FAIM: variants seen among roughly 807,000 people sequenced by gnomAD.
FAIM encodes Fas apoptotic inhibitory molecule.
In FAIM, 14 loss-of-function variants were observed where a neutral mutation model predicts 21.2. The observed-to-expected ratio is 0.66, with a 90% confidence interval of 0.44 to 1.03. The LOEUF is 1.03. FAIM is among the 50% of genes least tolerant of loss of function. FAIM has a pLI of 0.00. For missense variants in FAIM, 222 were observed against 247.1 expected (o/e 0.90, Z 0.68); for synonymous variants, 86 against 80.4 (o/e 1.07, Z -0.37).
chr3:138,621,573 A>G (rs778516951), intron 3 of FAIM, 34 bp downstream of exon 3: 2 of 1,575,852 alleles, frequency 1.3e-6, no homozygotes, highest in South Asian at 1.2e-5. Flanking sequence ...GTAAAATATG[A>G]TATATAGAGA....
At chr3:138,623,257 T>G (rs768032232) in intron 4 of FAIM, among the ~76,000 whole-genome samples, 2 of 152,174 alleles carry the variant, frequency 1.3e-5, no homozygotes, top group Non-Finnish European at 2.9e-5. Flanking sequence ...CTTTTCTGTT[T>G]GGGTTTCTCT....
intron 4 of FAIM, 45 bp downstream of exon 4, chr3:138,622,461 A>C: frequency 8.2e-7 from 1 of 1,216,646 alleles, no homozygotes. Context: ...TTTTTTTATA[A>C]TGTCTGTTTA....
rs781362242 is a variant in FAIM at position 138,632,894 on chromosome 3, C to T, written c.457-36C>T. The T allele has an allele frequency of 1.6e-5, 25 of 1,601,960 alleles. No homozygotes were observed. The African/African-American group carries it at 3.0e-4, about 19-fold the overall frequency. ...ATGCTCTAGACAGAGATAAAAGTTTCTGCACCACTAATTCCTTCTTCTTTT... is the reference window on the plus strand; with the variant it reads ...ATGCTCTAGACAGAGATAAAAGTTTTTGCACCACTAATTCCTTCTTCTTTT... On this transcript the variant is annotated intron_variant, in intron 5 of 5. Coordinates refer to ENST00000360570, the MANE Select transcript of FAIM (RefSeq NM_001033031.2).
chr3:138,622,442 C>CTT (rs11303336), intron 4 of FAIM, 26 bp downstream of exon 4: 266 of 1,102,438 alleles, frequency 2.4e-4, no homozygotes, highest in South Asian at 3.3e-4. Flanking sequence ...TTCCGCAGAA[C>CTT]TTTTTTTTTT....
intron 4 of FAIM, among the ~76,000 whole-genome samples, chr3:138,624,189 T>C (rs1000451690): frequency 1.1e-4 from 16 of 152,208 alleles, no homozygotes; most frequent in Non-Finnish European, 1.8e-4. Flanking sequence ...TTAAAAGGAT[T>C]ATGATTAGTG....
At chr3:138,609,513 C>T (rs1370707600) in intron 1 of FAIM, among the ~76,000 whole-genome samples, 1 of 137,502 alleles carries the variant, frequency 7.3e-6, no homozygotes, top group African/African-American at 2.8e-5. Flanking sequence ...TTTGCAGAAC[C>T]TGCATCATAA....
intron 5 of FAIM, 78 bp from the exon 6 acceptor site, chr3:138,632,852 A>C (rs1298151580): frequency 1.4e-6 from 2 of 1,389,016 alleles, no homozygotes; most frequent in Admixed American, 4.7e-5. Context: ...CACTACTAGT[A>C]CTTTTAGATG....
chr3:138,633,054 G>C lies in FAIM; in HGVS notation c.581G>C (p.Arg194Thr), dbSNP rs775950087. 3.1e-6 allele frequency: 5 copies of C among 1,613,068 alleles called. No individual in the cohort carries two copies. In the East Asian group the frequency reaches 8.9e-5, roughly 29 times the overall value. The change falls in exon 6 of 6, where the codon AGA (arginine) becomes ACA (threonine). Residue 194 changes from arginine to threonine, a missense_variant. Transcript: ENST00000360570. The part of the protein sequence containing the change: ...GIIHTLIVDN[R>T]EIPEIAS ...ATTCATACTCTCATTGTGGATAATA[G>C]AGAAATCCCAGAGATTGCAAGTTAA...
chr3:138,616,512 C>G lies in FAIM; in HGVS notation c.-16-3199C>G, dbSNP rs550592459. 2.6e-5 allele frequency among the ~76,000 whole-genome samples: 4 copies of G among 152,190 alleles called. No individual in the cohort carries two copies. In the South Asian group the frequency reaches 6.2e-4, roughly 24 times the overall value. Reference sequence around the variant, plus strand: ...CCTCCCTCCTCCCATGTAGCTGGGACTATAGGCACGTGCCACCACACCCAG... The same window carrying G: ...CCTCCCTCCTCCCATGTAGCTGGGAGTATAGGCACGTGCCACCACACCCAG... On this transcript the variant is annotated intron_variant, in intron 1 of 5. Transcript: ENST00000360570.
chr3:138,617,525 ATCTC>A (rs1416376814), intron 1 of FAIM, among the ~76,000 whole-genome samples: 4 of 146,748 alleles, frequency 2.7e-5, no homozygotes, highest in Non-Finnish European at 3.0e-5. Context: ...ATCTATATAT[ATCTC>A]TCTCTATCTA....
chr3:138,629,416 A>ATAGCAAGTAAAATACC (rs58425947), intron 5 of FAIM: 87,841 of 288,518 alleles, frequency 0.3, 18,128 homozygotes, highest in African/African-American at 0.59. Flanking sequence ...AGGCTCCAGC[A>ATAGCAAGTAAAATACC]TAGCAAGTAA....
intron 4 of FAIM, among the ~76,000 whole-genome samples, chr3:138,626,444 TTC>T (rs1215685282): frequency 6.6e-6 from 1 of 152,234 alleles, no homozygotes; most frequent in Non-Finnish European, 1.5e-5. Context: ...AGTACACATA[TTC>T]TCTCTTACCA....
At chr3:138,609,533 ACT>A (rs1286573079) in intron 1 of FAIM, among the ~76,000 whole-genome samples, 2 of 3,368 alleles carry the variant, frequency 5.9e-4, no homozygotes, top group African/African-American at 9.3e-4. Context: ...AAGTGCTGAA[ACT>A]CTCTCTCTCT....
At chr3:138,631,912 C>A (rs2043009338) in intron 5 of FAIM, among the ~76,000 whole-genome samples, 2 of 152,096 alleles carry the variant, frequency 1.3e-5, no homozygotes, top group African/African-American at 4.8e-5. Context: ...GCTTCTCTCC[C>A]TGAGGCATCC....
At chr3:138,625,523 T>C (rs1485581149) in intron 4 of FAIM, among the ~76,000 whole-genome samples, 1 of 152,132 alleles carries the variant, frequency 6.6e-6, no homozygotes, top group Non-Finnish European at 1.5e-5. Flanking sequence ...TTACTACTCA[T>C]GGGCAAAGAA....
At chr3:138,622,491 G>A in intron 4 of FAIM, 75 bp downstream of exon 4, 2 of 942,570 alleles carry the variant, frequency 2.1e-6, no homozygotes, top group Non-Finnish European at 3.2e-6. Flanking sequence ...ACTGTATTCA[G>A]ACCTTCTATG....
chr3:138,626,801 T>G (rs1179621876), intron 4 of FAIM, among the ~76,000 whole-genome samples: 1 of 152,242 alleles, frequency 6.6e-6, no homozygotes, highest in Non-Finnish European at 1.5e-5. Flanking sequence ...CATGGTACTT[T>G]TACCATTTTG....
intron 1 of FAIM, among the ~76,000 whole-genome samples, chr3:138,609,593 ACTCTCTCTCT>A (rs145700416): frequency 1.1e-4 from 3 of 26,774 alleles, no homozygotes; most frequent in South Asian, 1.9e-3. Flanking sequence ...CTCTCTCTCG[ACTCTCTCTCT>A]CTCTCTCTCG....
intron 1 of FAIM, among the ~76,000 whole-genome samples, chr3:138,616,772 G>C (rs964425417): frequency 6.6e-6 from 1 of 152,056 alleles, no homozygotes; most frequent in Non-Finnish European, 1.5e-5. Flanking sequence ...ATATTACTTT[G>C]TATTAAAACA....
Sources: allele counts gnomAD v4.1 joint callset (sites outside exome capture counted in the v4.1 genomes callset), GRCh38; gene constraint gnomAD v4.1.1; transcripts MANE v1.5; gene names NCBI Gene and HGNC (gene_info 2026-07-23, HGNC 2026-07-21).